The following MCC variants were observed in gnomAD, a reference collection of about 807,000 sequenced individuals.
MCC encodes colorectal mutant cancer protein.
Under a neutral mutation model 116.2 loss-of-function variants are expected in MCC, and 90 were observed. The ratio of observed to expected loss-of-function variants is 0.77; its 90% CI spans 0.65 to 0.92. The LOEUF is 0.92. MCC is among the 40% of genes least tolerant of loss of function. MCC has a pLI of 0.00. For synonymous variants in MCC, 578 were observed against 510.5 expected (o/e 1.13, Z -1.78); for missense variants, 1,516 against 1,312.2 (o/e 1.16, Z -2.40).
chr5:113,442,884 C>T (rs889149151), intron 1 of MCC, among the ~76,000 whole-genome samples: 22 of 152,148 alleles, frequency 1.4e-4, no homozygotes, highest in African/African-American at 5.1e-4. Context: ...CAGTACCATG[C>T]TGTTTTGGTT....
At chr5:113,471,283 G>GC (rs944787423) in intron 1 of MCC, among the ~76,000 whole-genome samples, 3 of 152,090 alleles carry the variant, frequency 2.0e-5, no homozygotes, top group Non-Finnish European at 2.9e-5. Flanking sequence ...TTTCTGCTCT[G>GC]TTTTTTTCCC....
intron 6 of MCC, among the ~76,000 whole-genome samples, chr5:113,108,436 C>G (rs1244319211): frequency 2.0e-5 from 3 of 149,688 alleles, no homozygotes; most frequent in Non-Finnish European, 3.0e-5. Context: ...GGGCAGATCA[C>G]GAGGTCAGGA....
chr5:113,476,741 G>A (rs1300461665), intron 1 of MCC, among the ~76,000 whole-genome samples: 1 of 152,206 alleles, frequency 6.6e-6, no homozygotes, highest in Non-Finnish European at 1.5e-5. Context: ...CCTAGGGCCG[G>A]AGTGGTTAGG....
intron 1 of MCC, among the ~76,000 whole-genome samples, chr5:113,475,294 G>T (rs1292272320): frequency 2.0e-5 from 3 of 152,160 alleles, no homozygotes; most frequent in Non-Finnish European, 2.9e-5. Context: ...CCAAGCAACA[G>T]TTTCACAAGT....
chr5:113,440,833 A>G (rs148516588), intron 1 of MCC, among the ~76,000 whole-genome samples: 6 of 152,322 alleles, frequency 3.9e-5, no homozygotes, highest in Non-Finnish European at 8.8e-5. Context: ...GAAGTTTAAC[A>G]ATGCATATAA....
Position 113,384,563 on chromosome 5 carries a change from G to A in MCC, c.415+405C>T, listed in dbSNP as rs112433541. Among the ~76,000 whole-genome samples, 144 of 152,264 alleles carry A rather than the reference G, an allele frequency of 9.5e-4. 2 individuals carry two copies. Among genetic ancestry groups the A allele is most frequent in the African/African-American group, 3.2e-3 (135 of 41,564 alleles). On this transcript the variant is annotated intron_variant, in intron 2 of 18. Coordinates refer to ENST00000408903, the MANE Select transcript of MCC (RefSeq NM_001085377.2). The stretch of plus-strand genomic sequence containing the variant: ...AGATCCCGCCACTGCACGCCAGCCT[G>A]GGCAACAGAGCAAGACTCCGTCCCC...
At chr5:113,137,656 T>TTTG (rs969657876) in intron 5 of MCC, among the ~76,000 whole-genome samples, 3 of 152,108 alleles carry the variant, frequency 2.0e-5, no homozygotes, top group Non-Finnish European at 2.9e-5. Context: ...AACTGGTGCT[T>TTTG]TTGTTGTTGT....
chr5:113,102,065 TATAA>T, intron 7 of MCC, 120 bp from the exon 8 acceptor site: 2 of 915,416 alleles, frequency 2.2e-6, no homozygotes, highest in Non-Finnish European at 3.4e-6. Context: ...ACCACTTTGT[TATAA>T]ATAGTGATCA....
At chr5:113,461,744 T>TAAAAAA (rs56312844) in intron 1 of MCC, among the ~76,000 whole-genome samples, 6 of 118,850 alleles carry the variant, frequency 5.0e-5, no homozygotes, top group African/African-American at 1.9e-4. Flanking sequence ...CTTGCACCAG[T>TAAAAAA]AAAAAAAAAA....
chr5:113,132,409 T>C (rs1758495102), intron 5 of MCC, among the ~76,000 whole-genome samples: 1 of 119,466 alleles, frequency 8.4e-6, no homozygotes, highest in South Asian at 2.7e-4. Context: ...CATACATACA[T>C]ATATATATAC....
Position 113,393,332 on chromosome 5 carries a change from C to T in MCC, c.171-8120G>A, listed in dbSNP as rs576262750. On this transcript the variant is annotated intron_variant, in intron 1 of 18. Coordinates refer to ENST00000408903, the MANE Select transcript of MCC (RefSeq NM_001085377.2). ...TAAAAATCTAACATATATATAAAGC[C>T]GATTCAAAATAAGTTTGGTCTGAGG... Among the ~76,000 whole-genome samples, 10 of 151,992 alleles carry T rather than the reference C, an allele frequency of 6.6e-5. No individual in the cohort carries two copies. In the South Asian group the frequency reaches 1.2e-3, roughly 19 times the overall value.
chr5:113,318,292 CAG>C (rs972353913), intron 3 of MCC, among the ~76,000 whole-genome samples: 33 of 152,272 alleles, frequency 2.2e-4, no homozygotes, highest in African/African-American at 7.9e-4. Flanking sequence ...AGTGCCCAAA[CAG>C]AGATGCAAAT....
intron 6 of MCC, among the ~76,000 whole-genome samples, chr5:113,108,196 T>C (rs1202934559): frequency 6.6e-6 from 1 of 151,478 alleles, no homozygotes; most frequent in Non-Finnish European, 1.5e-5. Context: ...AATATAAAAA[T>C]TAGCCAGGTG....
At chr5:113,408,157 T>C (rs1769889301) in intron 1 of MCC, among the ~76,000 whole-genome samples, 1 of 152,192 alleles carries the variant, frequency 6.6e-6, no homozygotes, top group African/African-American at 2.4e-5. Flanking sequence ...CTCATCTCAC[T>C]TCAAACACTT....
intron 4 of MCC, among the ~76,000 whole-genome samples, chr5:113,148,569 G>A (rs552695134): frequency 6.6e-5 from 10 of 152,280 alleles, no homozygotes; most frequent in South Asian, 4.1e-4. Flanking sequence ...GCCACACAGC[G>A]TAAGTTTACA....
chr5:113,158,185 A>T (rs1760280514), intron 3 of MCC, among the ~76,000 whole-genome samples: 1 of 152,278 alleles, frequency 6.6e-6, no homozygotes, highest in African/African-American at 2.4e-5. Context: ...GACTGCAAGT[A>T]AATGACACTA....
At chr5:113,058,607 G>T (rs565458507) in intron 14 of MCC, among the ~76,000 whole-genome samples, 1 of 152,324 alleles carries the variant, frequency 6.6e-6, no homozygotes, top group South Asian at 2.1e-4. Flanking sequence ...GCTCCTGGCT[G>T]CCCTGGTGGG....
chr5:113,129,773 A>G (rs1232983131), intron 5 of MCC, among the ~76,000 whole-genome samples: 1 of 152,256 alleles, frequency 6.6e-6, no homozygotes, highest in Non-Finnish European at 1.5e-5. Flanking sequence ...TGCAAATCAA[A>G]AACACAACAA....
In MCC at chr5:113,056,575, G is replaced by A. The variant is rs1048733515; in HGVS notation, c.2214-2616C>T. ...ACAACAAACAATGGGCCTACTTGAGGGTACAGAATAGCAGAAGGGAGAGGA... is the reference window on the plus strand; with the variant it reads ...ACAACAAACAATGGGCCTACTTGAGAGTACAGAATAGCAGAAGGGAGAGGA... On this transcript the variant is annotated intron_variant, in intron 14 of 18. Coordinates refer to ENST00000408903, the MANE Select transcript of MCC (RefSeq NM_001085377.2). Among the ~76,000 whole-genome samples the A allele has an allele frequency of 9.2e-5, 14 of 152,220 alleles. No homozygotes were observed. In the East Asian group the frequency reaches 1.7e-3, roughly 19 times the overall value.
Sources: gnomAD v4.1 joint callset for allele counts (sites outside exome capture counted in the v4.1 genomes callset) on GRCh38, gnomAD v4.1.1 for gene constraint, MANE v1.5 for transcripts, NCBI Gene and HGNC (gene_info 2026-07-23, HGNC 2026-07-21) for gene names.